The following CSNK1G1 variants were observed in gnomAD, a reference collection of about 807,000 sequenced individuals.
CSNK1G1 encodes casein kinase 1 gamma 1.
Under a neutral mutation model 59.6 loss-of-function variants are expected in CSNK1G1, and 22 were observed. That is an observed-to-expected ratio of 0.37 (90% CI 0.26 to 0.53). The LOEUF (loss-of-function observed/expected upper bound fraction) is 0.53, where lower values mean the gene tolerates loss of function less well. Ranked by LOEUF, CSNK1G1 falls within the 20% of genes least tolerant of loss-of-function variation. The pLI, the probability that CSNK1G1 is intolerant of heterozygous loss-of-function variation, is 0.89. For synonymous variants in CSNK1G1, 179 were observed against 177.1 expected, an observed-to-expected ratio of 1.01 and a Z score of -0.08; for missense variants, 384 against 519.5, an observed-to-expected ratio of 0.74 and a Z score of 2.54.
At chr15:64,246,452 T>C (rs190424656) in intron 4 of CSNK1G1, among the ~76,000 whole-genome samples, 4 of 151,938 alleles carry the variant, frequency 2.6e-5, no homozygotes, top group African/African-American at 9.7e-5. Flanking sequence ...TGAGACTCCA[T>C]CCCTACAAAA....
intron 4 of CSNK1G1, among the ~76,000 whole-genome samples, chr15:64,229,939 T>A (rs111269599): frequency 0.019 from 2,286 of 121,464 alleles, 113 homozygotes; most frequent in African/African-American, 0.058. Context: ...TTTTTTTTTT[T>A]AAGACAGAAT....
intron 2 of CSNK1G1, among the ~76,000 whole-genome samples, chr15:64,287,071 G>A (rs887169585): frequency 6.6e-6 from 1 of 151,892 alleles, no homozygotes; most frequent in African/African-American, 2.4e-5. Flanking sequence ...TTTCTGGCTT[G>A]TGGTATTTCA....
rs571157194 is a variant in CSNK1G1, at chr15:64,326,176, C to T, written c.-224-25453G>A. On this transcript the variant is annotated intron_variant, in intron 1 of 11. Coordinates refer to ENST00000303052, the MANE Select transcript of CSNK1G1 (RefSeq NM_022048.5). ...AAGTGGCTGGGACTACAGGTGTGTG[C>T]CATGATGCCCAGCTGATTTTTGTAT... 3.3e-5 allele frequency among the ~76,000 whole-genome samples: 5 copies of T among 152,248 alleles called. No homozygotes were observed. The South Asian group carries it at 1.0e-3, about 32-fold the overall frequency.
chr15:64,260,743 T>C (rs921884310), intron 2 of CSNK1G1, among the ~76,000 whole-genome samples: 30 of 152,040 alleles, frequency 2.0e-4, no homozygotes, highest in Middle Eastern at 3.4e-3. Context: ...ATCTCATAAA[T>C]AAACAAACAA....
intron 2 of CSNK1G1, among the ~76,000 whole-genome samples, chr15:64,263,058 A>T (rs568745916): frequency 6.7e-6 from 1 of 148,558 alleles, no homozygotes; most frequent in East Asian, 2.0e-4. Flanking sequence ...CAGCCTGGGC[A>T]ACAAGAGCAA....
rs1460691592 is a variant in CSNK1G1 at position 64,255,946 on chromosome 15, C to A, written c.222+3255G>T. Reference sequence around the variant, plus strand: ...ATCAGCAATCATTAGAGTTGGACTTCAAGTGTCTCAAGACTTTCAGTAAAA... The same window carrying A: ...ATCAGCAATCATTAGAGTTGGACTTAAAGTGTCTCAAGACTTTCAGTAAAA... On this transcript the variant is annotated intron_variant, in intron 3 of 11. Transcript: ENST00000303052. Among the ~76,000 whole-genome samples, 3 of 152,170 alleles carry A rather than the reference C, an allele frequency of 2.0e-5. No homozygotes were observed. The East Asian group carries it at 5.8e-4, about 29-fold the overall frequency.
chr15:64,274,557 C>T (rs1893502839), intron 2 of CSNK1G1, among the ~76,000 whole-genome samples: 1 of 152,194 alleles, frequency 6.6e-6, no homozygotes, highest in African/African-American at 2.4e-5. Flanking sequence ...GCTTCCCAAG[C>T]TCACTTCCTG....
At position 64,170,242 on chromosome 15, in the gene CSNK1G1, G is replaced by A. The variant is rs1263097383; in HGVS notation, c.*1689C>T. 6.6e-6 allele frequency: 1 copy of A among 152,248 alleles called. No homozygotes were observed. Among genetic ancestry groups the A allele is most frequent in the Non-Finnish European group, 1.5e-5 (1 of 68,048 alleles). The allele number at this position is 152,248 out of a possible 1,614,324, so 9.4% of individuals were successfully genotyped here. On this transcript the variant is annotated 3_prime_UTR_variant, in exon 12 of 12. Transcript: ENST00000303052. Reference sequence around the variant, plus strand: ...ATGAAAGACTTGTCAAACAGTGAATGAGGAACCAGATCCTTCACAGTAGTA... The same window carrying A: ...ATGAAAGACTTGTCAAACAGTGAATAAGGAACCAGATCCTTCACAGTAGTA...
intron 4 of CSNK1G1, among the ~76,000 whole-genome samples, chr15:64,251,273 G>T (rs1211735300): frequency 1.3e-5 from 2 of 152,170 alleles, no homozygotes; most frequent in Non-Finnish European, 2.9e-5. Context: ...TTGACAAGTG[G>T]AAGGCATCTG....
intron 1 of CSNK1G1, among the ~76,000 whole-genome samples, chr15:64,339,305 T>G (rs938413868): frequency 2.6e-5 from 4 of 151,958 alleles, no homozygotes; most frequent in Non-Finnish European, 5.9e-5. Context: ...TTTTTTGTTT[T>G]TTGTTGTTAT....
At chr15:64,248,716 G>C (rs1185777006) in intron 4 of CSNK1G1, among the ~76,000 whole-genome samples, 1 of 152,150 alleles carries the variant, frequency 6.6e-6, no homozygotes, top group Non-Finnish European at 1.5e-5. Flanking sequence ...CAGGCACGGC[G>C]GCTCACATCT....
intron 10 of CSNK1G1, among the ~76,000 whole-genome samples, chr15:64,190,359 G>A (rs985094315): frequency 2.6e-5 from 4 of 152,118 alleles, no homozygotes; most frequent in African/African-American, 4.8e-5. Context: ...GCCAAAAGAG[G>A]TTCAAATGTT....
chr15:64,265,013 C>A (rs1368000277), intron 2 of CSNK1G1, among the ~76,000 whole-genome samples: 1 of 152,088 alleles, frequency 6.6e-6, no homozygotes, highest in South Asian at 2.1e-4. Context: ...GTATTCAAAG[C>A]CCTATCCAGA....
intron 9 of CSNK1G1, among the ~76,000 whole-genome samples, chr15:64,203,817 C>G (rs2082141539): frequency 6.6e-6 from 1 of 151,250 alleles, no homozygotes; most frequent in Admixed American, 6.6e-5. Flanking sequence ...CTACAAAGGT[C>G]AAGTACATTA....
intron 10 of CSNK1G1, 79 bp downstream of exon 10, chr15:64,203,003 G>A (rs900620029): frequency 1.5e-5 from 15 of 1,007,432 alleles, no homozygotes; most frequent in Non-Finnish European, 2.2e-5. Flanking sequence ...ACACTAAAGC[G>A]GAGAAGCTGA....
At chr15:64,229,449 C>T (rs2082510645) in intron 4 of CSNK1G1, among the ~76,000 whole-genome samples, 1 of 152,204 alleles carries the variant, frequency 6.6e-6, no homozygotes, top group African/African-American at 2.4e-5. Context: ...TGCCATGTCT[C>T]TCATGTAACA....
chr15:64,328,148 C>A (rs1223271934), intron 1 of CSNK1G1, among the ~76,000 whole-genome samples: 5 of 54,880 alleles, frequency 9.1e-5, no homozygotes, highest in Non-Finnish European at 1.4e-4. Context: ...GGCAGGCCAA[C>A]GTTCAGATTC....
At chr15:64,310,220 T>C in intron 1 of CSNK1G1, among the ~76,000 whole-genome samples, 1 of 152,056 alleles carries the variant, frequency 6.6e-6, no homozygotes, top group East Asian at 1.9e-4. Flanking sequence ...TTCCTGGCCA[T>C]GAAGAAACAG....
chr15:64,283,732 C>T (rs1326219672), intron 2 of CSNK1G1, among the ~76,000 whole-genome samples: 1 of 152,242 alleles, frequency 6.6e-6, no homozygotes, highest in East Asian at 1.9e-4. Flanking sequence ...ATCCACCCAC[C>T]TCTGCTTCCC....
Sources: gnomAD v4.1 joint callset for allele counts (sites outside exome capture counted in the v4.1 genomes callset) on GRCh38, gnomAD v4.1.1 for gene constraint, MANE v1.5 for transcripts, NCBI Gene and HGNC (gene_info 2026-07-23, HGNC 2026-07-21) for gene names.